ATP2C1: variants seen among roughly 807,000 people sequenced by gnomAD.
The protein encoded by ATP2C1 is ATPase secretory pathway Ca2+ transporting 1.
In ATP2C1, 31 loss-of-function variants were observed where a neutral mutation model predicts 120.5. That is an observed-to-expected ratio of 0.26 (90% CI 0.19 to 0.35). ATP2C1 has a LOEUF of 0.35. Among genes scored for constraint, ATP2C1 ranks in the 10% least tolerant of loss-of-function variants. The pLI, the probability that ATP2C1 is intolerant of heterozygous loss-of-function variation, is 1.00. For missense variants in ATP2C1, 731 were observed against 1,107.5 expected (o/e 0.66, Z 4.83); for synonymous variants, 351 against 358.7 (o/e 0.98, Z 0.24).
At chr3:130,956,414 C>T (rs1295817239) in intron 11 of ATP2C1, among the ~76,000 whole-genome samples, 1 of 152,024 alleles carries the variant, frequency 6.6e-6, no homozygotes, top group Non-Finnish European at 1.5e-5. Flanking sequence ...TCTTTCTAGT[C>T]TTCAACAAGA....
At chr3:131,004,592 C>T (rs55898113), downstream of ATP2C1, among the ~76,000 whole-genome samples, 1 of 152,014 alleles carries the variant, frequency 6.6e-6, no homozygotes, top group Non-Finnish European at 1.5e-5. Context: ...AATATATCCA[C>T]TAGAGTGGTA....
chr3:130,939,245 C>A lies in ATP2C1; in HGVS notation c.361-1385C>A, dbSNP rs184862987. ...AAAAATGTATAAAAAATTCTTAATA[C>A]TTTATCATTATTTGTTATTTGTGCT... On this transcript the variant is annotated intron_variant, in intron 6 of 27. Transcript: ENST00000510168. 1.1e-4 allele frequency among the ~76,000 whole-genome samples: 17 copies of A among 152,184 alleles called. No homozygotes were observed. The East Asian group carries it at 3.3e-3, about 29-fold the overall frequency.
At chr3:130,997,055 C>T (rs181552688) in intron 24 of ATP2C1, among the ~76,000 whole-genome samples, 1 of 152,146 alleles carries the variant, frequency 6.6e-6, no homozygotes, top group African/African-American at 2.4e-5. Context: ...TCCCTGTCCT[C>T]AGGAAGTAAG....
intron 2 of ATP2C1, among the ~76,000 whole-genome samples, chr3:130,918,014 A>G (rs1278134526): frequency 2.0e-5 from 3 of 152,176 alleles, no homozygotes; most frequent in Non-Finnish European, 4.4e-5. Context: ...AAATTGTAAA[A>G]GAAATGGTTC....
intron 2 of ATP2C1, among the ~76,000 whole-genome samples, chr3:130,906,782 C>T (rs949338080): frequency 2.7e-5 from 4 of 150,428 alleles, no homozygotes; most frequent in Non-Finnish European, 4.4e-5. Flanking sequence ...GGATCTTTTG[C>T]ATGGATTCTT....
intron 23 of ATP2C1, chr3:130,996,379 G>T: frequency 1.8e-6 from 1 of 571,034 alleles, no homozygotes. Flanking sequence ...TTTCCTCTTG[G>T]TATCTTTTTC....
intron 8 of ATP2C1, among the ~76,000 whole-genome samples, chr3:130,953,549 G>C (rs577822293): frequency 1.3e-5 from 2 of 152,258 alleles, no homozygotes; most frequent in Non-Finnish European, 2.9e-5. Context: ...GTCTTAGCTA[G>C]TGTCAAATTT....
chr3:130,917,350 T>C (rs1323185784), intron 2 of ATP2C1, among the ~76,000 whole-genome samples: 1 of 152,250 alleles, frequency 6.6e-6, no homozygotes, highest in Non-Finnish European at 1.5e-5. Flanking sequence ...TAAACTTAAC[T>C]ACCAGGTAAA....
At chr3:130,959,625 G>A (rs1226411229) in intron 12 of ATP2C1, 1 of 177,762 alleles carries the variant, frequency 5.6e-6, no homozygotes. Flanking sequence ...TTGAAAACTA[G>A]CAACATGAAA....
In ATP2C1 at chr3:130,999,662, A is replaced by G. The variant is rs1411614208; in HGVS notation, c.2629+3A>G. On this transcript the variant is annotated splice_donor_region_variant and intron_variant, in intron 27 of 27. Coordinates refer to ENST00000510168, the MANE Select transcript of ATP2C1 (RefSeq NM_001378687.1). ...GACTGAGAGCCTAAGCATACTGGGT[A>G]AAGAAAACGTTATCTTTATCATTTA... 1.2e-6 allele frequency: 2 copies of G among 1,609,650 alleles called. No individual in the cohort carries two copies. Among genetic ancestry groups the G allele is most frequent in the Non-Finnish European group, 8.5e-7 (1 of 1,176,230 alleles).
chr3:130,937,072 G>T (rs1236728528), intron 5 of ATP2C1, among the ~76,000 whole-genome samples: 1 of 151,916 alleles, frequency 6.6e-6, no homozygotes, highest in African/African-American at 2.4e-5. Context: ...ATGTAATGAG[G>T]TTTAAAATTT....
At position 130,862,314 on chromosome 3, in the gene ATP2C1, CTTTATTTA is replaced by C. The variant is rs56326023; in HGVS notation, c.108+11422_108+11429del. Among the ~76,000 whole-genome samples, 887 of 138,072 alleles carry C rather than the reference CTTTATTTA, an allele frequency of 6.4e-3. 1 individual carries two copies. The highest frequency in any genetic ancestry group is 9.6e-3 in the African/African-American group (357 of 37,268). 90.6% of individuals were successfully genotyped at this position (138,072 alleles called of 152,430 possible). A position where few individuals can be genotyped will look rare whatever the true frequency, so the allele number is the denominator to read the frequency against. ...TTTATTTATTATACTTACTTATTCA[CTTTATTTA>C]TTTATTTATTTATTTATTTATTTAT... On this transcript the variant is annotated intron_variant, in intron 1 of 26. Coordinates refer to the ATP2C1 transcript ENST00000504381.
chr3:130,873,700 A>AT (rs1319848285), intron 1 of ATP2C1, among the ~76,000 whole-genome samples: 1 of 152,152 alleles, frequency 6.6e-6, no homozygotes, highest in Non-Finnish European at 1.5e-5. Context: ...AATAATAAAT[A>AT]TTTTTGCCTA....
intron 1 of ATP2C1, among the ~76,000 whole-genome samples, chr3:130,851,753 GA>G (rs2067684107): frequency 6.6e-6 from 1 of 152,170 alleles, no homozygotes; most frequent in African/African-American, 2.4e-5. Flanking sequence ...ATACAAATGT[GA>G]AGGACAAATG....
rs566810670 is a variant in ATP2C1 at position 130,896,023 on chromosome 3, CTCTTT to C, written c.6+1250_6+1254del. Among the ~76,000 whole-genome samples the C allele has an allele frequency of 2.4e-3, 359 of 152,300 alleles. 1 individual carries two copies. Among genetic ancestry groups the C allele is most frequent in the Non-Finnish European group, 4.1e-3 (276 of 68,016 alleles). ...AGTCACTTTTCTGAGCCTTTTTCCT[CTCTTT>C]TAAGTTTATTGATTTAAGAAAGGCA... On this transcript the variant is annotated intron_variant, in intron 2 of 27. Coordinates refer to ENST00000510168, the MANE Select transcript of ATP2C1 (RefSeq NM_001378687.1).
At chr3:130,919,844 G>T (rs906015563) in intron 2 of ATP2C1, among the ~76,000 whole-genome samples, 2 of 152,178 alleles carry the variant, frequency 1.3e-5, no homozygotes, top group Non-Finnish European at 2.9e-5. Context: ...CTCACCAACA[G>T]TAGTTGTGTT....
chr3:131,002,501 T>G lies in ATP2C1; in HGVS notation c.*1151T>G. 1.0e-6 allele frequency: 1 copy of G among 985,448 alleles called. No homozygotes were observed. Among genetic ancestry groups the G allele is most frequent in the Non-Finnish European group, 1.2e-6 (1 of 829,922 alleles). The allele number at this position is 985,448 out of a possible 1,614,324, so 61.0% of individuals were successfully genotyped here. A position where few individuals can be genotyped will look rare whatever the true frequency, so the allele number is the denominator to read the frequency against. On this transcript the variant is annotated 3_prime_UTR_variant, in exon 28 of 28. Transcript: ENST00000510168. ...TCATCATGTGTTCTGTACCTTCTTT[T>G]TGTTTCATTGGGCATGCTAGGGAAA...
At chr3:130,970,391 CA>C (rs1359468235) in intron 17 of ATP2C1, among the ~76,000 whole-genome samples, 1 of 151,336 alleles carries the variant, frequency 6.6e-6, no homozygotes, top group African/African-American at 2.4e-5. Flanking sequence ...CACACACACA[CA>C]CACACACACA....
At chr3:130,881,290 G>A (rs1174697365) in intron 1 of ATP2C1, among the ~76,000 whole-genome samples, 2 of 151,996 alleles carry the variant, frequency 1.3e-5, no homozygotes, top group South Asian at 2.1e-4. Flanking sequence ...ATTGGCCAGT[G>A]GCAATTTAAC....
Sources: allele counts gnomAD v4.1 joint callset (sites outside exome capture counted in the v4.1 genomes callset), GRCh38; gene constraint gnomAD v4.1.1; transcripts MANE v1.5; gene names NCBI Gene and HGNC (gene_info 2026-07-23, HGNC 2026-07-21).